TADA2A: variants seen among roughly 807,000 people sequenced by gnomAD.
TADA2A encodes the protein transcriptional adapter 2-alpha.
Under a neutral mutation model 67.4 loss-of-function variants are expected in TADA2A, and 38 were observed. That is an observed-to-expected ratio of 0.56 (90% confidence interval 0.44 to 0.74). The LOEUF is 0.74. Among genes scored for constraint, TADA2A ranks in the 30% least tolerant of loss-of-function variants. The pLI is 0.00. For missense variants in TADA2A, 454 were observed against 547.0 expected (o/e 0.83, Z 1.70); for synonymous variants, 192 against 181.6 (o/e 1.06, Z -0.46).
chr17:37,476,655 AT>A, intron 15 of TADA2A, 141 bp from the exon 16 acceptor site: 1 of 761,384 alleles, frequency 1.3e-6, no homozygotes, highest in Non-Finnish European at 2.1e-6. Flanking sequence ...AAGAGACTAA[AT>A]GGAATGTAGT....
intron 9 of TADA2A, among the ~76,000 whole-genome samples, chr17:37,459,884 G>C (rs2053503632): frequency 6.6e-6 from 1 of 150,996 alleles, no homozygotes; most frequent in Non-Finnish European, 1.5e-5. Context: ...TGACCAACAT[G>C]GTGAAACCCT....
intron 8 of TADA2A, among the ~76,000 whole-genome samples, chr17:37,450,262 T>G (rs929704539): frequency 6.6e-6 from 1 of 152,154 alleles, no homozygotes; most frequent in Non-Finnish European, 1.5e-5. Flanking sequence ...AAATTGTTTG[T>G]GTGCATCTTG....
chr17:37,449,458 T>C (rs957999088), intron 8 of TADA2A, among the ~76,000 whole-genome samples: 2 of 152,204 alleles, frequency 1.3e-5, no homozygotes, highest in Non-Finnish European at 2.9e-5. Context: ...CAAAACCTTA[T>C]GAGTTGCATA....
intron 10 of TADA2A, among the ~76,000 whole-genome samples, chr17:37,464,388 G>A (rs2053614198): frequency 6.6e-6 from 1 of 152,178 alleles, no homozygotes; most frequent in Admixed American, 6.5e-5. Flanking sequence ...CAGCTAATGG[G>A]AAATCTTCTG....
intron 8 of TADA2A, among the ~76,000 whole-genome samples, chr17:37,456,593 G>A (rs1231682457): frequency 6.6e-6 from 1 of 152,204 alleles, no homozygotes; most frequent in African/African-American, 2.4e-5. Context: ...GTCTTGGATA[G>A]CTATCTTTAC....
At chr17:37,421,589 A>G (rs537353468) in intron 2 of TADA2A, among the ~76,000 whole-genome samples, 1 of 146,702 alleles carries the variant, frequency 6.8e-6, no homozygotes. Context: ...ATTCAAGACC[A>G]GCCTAGGCAA....
At chr17:37,442,437 A>C (rs542716209) in intron 6 of TADA2A, 127 bp from the exon 7 acceptor site, 114 of 725,610 alleles carry the variant, frequency 1.6e-4, no homozygotes, top group Non-Finnish European at 2.1e-4. Flanking sequence ...TTTTCATAAT[A>C]CTTTATCTTT....
At chr17:37,470,768 C>T (rs537565504) in intron 13 of TADA2A, among the ~76,000 whole-genome samples, 2 of 152,072 alleles carry the variant, frequency 1.3e-5, no homozygotes, top group African/African-American at 4.8e-5. Context: ...AGTGTATTTT[C>T]CCCCAGCCTT....
At chr17:37,465,649 T>C (rs1401067854) in intron 11 of TADA2A, 108 bp downstream of exon 11, 1 of 1,529,652 alleles carries the variant, frequency 6.5e-7, no homozygotes, top group Non-Finnish European at 8.8e-7. Flanking sequence ...AAATGGATAT[T>C]TCTCTCTTTG....
intron 8 of TADA2A, among the ~76,000 whole-genome samples, chr17:37,446,995 G>A (rs1384912107): frequency 6.6e-6 from 1 of 152,092 alleles, no homozygotes; most frequent in Non-Finnish European, 1.5e-5. Context: ...TTAGGTATTT[G>A]TACTCTCCCT....
At position 37,440,522 on chromosome 17, in the gene TADA2A, A is replaced by G. The variant is rs1464644057; in HGVS notation, c.302A>G (p.Gln101Arg). The G allele has an allele frequency of 6.2e-7, 1 of 1,614,148 alleles. No homozygotes were observed. Among genetic ancestry groups the G allele is most frequent in the African/African-American group, 1.3e-5 (1 of 75,048 alleles). The change falls in exon 6 of 16, where the codon CAA becomes CGA. Residue 101 changes from glutamine to arginine, a missense_variant. By Grantham distance (43) the Gln-to-Arg change is conservative (BLOSUM62 1). Around this residue, in one of 2 missense-constraint regions of TADA2A, gnomAD observed 403 missense variants for 455.5 expected, o/e 0.88. Coordinates refer to ENST00000615182, the MANE Select transcript of TADA2A (RefSeq NM_001166105.3). ...TCCTCTAGGCAGGATGTAGCCAATC[A>G]AATGTGCACCAAGACCAAGGAGGAG... ...GFGNWQDVAN[Q>R]MCTKTKEECE...
At chr17:37,464,449 C>T (rs1281071025) in intron 10 of TADA2A, among the ~76,000 whole-genome samples, 2 of 152,072 alleles carry the variant, frequency 1.3e-5, no homozygotes, top group Non-Finnish European at 2.9e-5. Context: ...GAGTTAATAC[C>T]ATAAATTTTG....
intron 8 of TADA2A, among the ~76,000 whole-genome samples, chr17:37,457,176 C>CTTTTTTTTTT (rs34125875): frequency 1.9e-5 from 2 of 105,976 alleles, no homozygotes; most frequent in Non-Finnish European, 1.9e-5. Context: ...AATCATTATT[C>CTTTTTTTTTT]TTTTTTTTTT....
At chr17:37,407,057 G>A (rs1260854669) in intron 1 of TADA2A, 108 bp downstream of exon 1, 2 of 146,794 alleles carry the variant, frequency 1.4e-5, no homozygotes, top group Non-Finnish European at 3.0e-5. Context: ...CGGGGGAGGA[G>A]TCGCGGGCTG....
intron 7 of TADA2A, among the ~76,000 whole-genome samples, chr17:37,444,086 C>A (rs853201): frequency 0.19 from 29,281 of 151,028 alleles, 3,242 homozygotes; most frequent in East Asian, 0.53. Flanking sequence ...ACAACAACAA[C>A]AAAAAAAACC....
At chr17:37,425,815 ATT>A (rs1235489576) in intron 3 of TADA2A, among the ~76,000 whole-genome samples, 4 of 126,874 alleles carry the variant, frequency 3.2e-5, no homozygotes, top group Admixed American at 8.0e-5. Flanking sequence ...TGTCCAGCTA[ATT>A]TTTTTTTTTT....
At chr17:37,452,951 CT>C (rs2053273878) in intron 8 of TADA2A, among the ~76,000 whole-genome samples, 1 of 152,102 alleles carries the variant, frequency 6.6e-6, no homozygotes, top group African/African-American at 2.4e-5. Context: ...TTACCCTAAA[CT>C]TTTAAAAATA....
In TADA2A at chr17:37,477,579, C is replaced by G. The variant is rs1258248979; in HGVS notation, c.*597C>G. 1.3e-5 allele frequency: 2 copies of G among 151,934 alleles called. No homozygotes were observed. Among genetic ancestry groups the G allele is most frequent in the Non-Finnish European group, 2.9e-5 (2 of 68,188 alleles). 9.4% of individuals were successfully genotyped at this position (151,934 alleles called of 1,614,324 possible). ...TCCCAGGTTCAAGTGATTCTCCTGCCTCAGCCTCCCGAATAGCTGGGACTA... is the reference window on the plus strand; with the variant it reads ...TCCCAGGTTCAAGTGATTCTCCTGCGTCAGCCTCCCGAATAGCTGGGACTA... On this transcript the variant is annotated 3_prime_UTR_variant, in exon 16 of 16. Coordinates refer to ENST00000615182, the MANE Select transcript of TADA2A (RefSeq NM_001166105.3).
chr17:37,470,304 T>C lies in TADA2A; in HGVS notation c.896-96T>C, dbSNP rs1439748077. ...GCAGTTTTGCAAAGGAAACAGACTT[T>C]AAGAACAAAACCCAAAACCGGTTTC... On this transcript the variant is annotated intron_variant, in intron 12 of 15. Transcript: ENST00000615182. 39 of 1,490,434 alleles carry C rather than the reference T, an allele frequency of 2.6e-5. 1 individual carries two copies. In the South Asian group the frequency reaches 4.8e-4, roughly 18 times the overall value. The allele number at this position is 1,490,434 out of a possible 1,614,324, so 92.3% of individuals were successfully genotyped here.
Sources: gnomAD v4.1 joint callset for allele counts (sites outside exome capture counted in the v4.1 genomes callset) on GRCh38, gnomAD v4.1.1 for gene constraint, gnomAD v4.1.1 regional missense constraint, MANE v1.5 for transcripts, NCBI Gene and HGNC (gene_info 2026-07-23, HGNC 2026-07-21) for gene names.